GUCY2F: variants seen among roughly 807,000 people sequenced by gnomAD.
GUCY2F encodes the protein retinal guanylyl cyclase 2.
A neutral mutation model predicts 73.1 loss-of-function variants in GUCY2F; 61 were observed. The observed-to-expected ratio is 0.83, with a 90% CI of 0.68 to 1.03. GUCY2F has a LOEUF of 1.03. Ranked by LOEUF, GUCY2F falls within the 50% of genes least tolerant of loss-of-function variation. GUCY2F has a pLI of 0.00. For missense variants in GUCY2F, 912 were observed against 854.3 expected (o/e 1.07, Z -0.84); for synonymous variants, 331 against 307.8 (o/e 1.08, Z -0.79).
chrX:109,420,350 GAAAAAGAA>G, intron 8 of GUCY2F, among the ~76,000 whole-genome samples: 1 of 101,052 alleles, frequency 9.9e-6, no homozygotes, highest in African/African-American at 3.6e-5. Context: ...AAGAAAGAAA[GAAAAAGAA>G]AGAGAGAGAG....
At chrX:109,392,164 C>T in intron 13 of GUCY2F, 61 bp from the exon 14 acceptor site, 2 of 835,772 alleles carry the variant, frequency 2.4e-6, no homozygotes, top group Non-Finnish European at 3.4e-6. Context: ...CCACATACAC[C>T]TGCTAAAAAT....
At chrX:109,436,415 C>T (rs1269493981) in intron 7 of GUCY2F, among the ~76,000 whole-genome samples, 1 of 110,938 alleles carries the variant, frequency 9.0e-6, no homozygotes, top group Non-Finnish European at 1.9e-5. Context: ...TACCATTTGA[C>T]CCAGCCATCC....
intron 8 of GUCY2F, among the ~76,000 whole-genome samples, chrX:109,413,406 C>T (rs932042821): frequency 6.3e-5 from 7 of 110,678 alleles, no homozygotes; most frequent in African/African-American, 2.3e-4. Context: ...TTTGACAAGA[C>T]ACCTTTTTTT....
chrX:109,431,426 C>T (rs1165986314), intron 7 of GUCY2F, among the ~76,000 whole-genome samples: 1 of 111,141 alleles, frequency 9.0e-6, no homozygotes, highest in Non-Finnish European at 1.9e-5. Context: ...GGGCCGGGCG[C>T]GGTGGCTCAC....
intron 10 of GUCY2F, among the ~76,000 whole-genome samples, chrX:109,400,063 C>G (rs749936098): frequency 9.1e-6 from 1 of 110,262 alleles, no homozygotes; most frequent in Non-Finnish European, 1.9e-5. Context: ...AGTAGGGGTG[C>G]TGGAGCTGGA....
At chrX:109,441,273 C>G (rs1931860876) in intron 7 of GUCY2F, 78 bp downstream of exon 7, 1 of 626,934 alleles carries the variant, frequency 1.6e-6, no homozygotes, top group Non-Finnish European at 2.3e-6. Flanking sequence ...TATTTTTACC[C>G]AAAGACTAAT....
At chrX:109,476,410 T>C (rs1283755689) in intron 1 of GUCY2F, among the ~76,000 whole-genome samples, 1 of 112,209 alleles carries the variant, frequency 8.9e-6, no homozygotes, top group African/African-American at 3.2e-5. Context: ...ATATTAGACA[T>C]AGTATCATTA....
intron 1 of GUCY2F, among the ~76,000 whole-genome samples, chrX:109,477,654 A>T (rs1329502850): frequency 8.9e-6 from 1 of 112,469 alleles, no homozygotes; most frequent in African/African-American, 3.2e-5. Context: ...GAGAATCCTT[A>T]GTAAATCCTT....
At position 109,409,088 on chromosome X, in the gene GUCY2F, TTC is replaced by T; in HGVS notation, c.1870_1871del (p.Glu624IlefsTer19). ...CTTCTAGGCTCCCTCGGGAACAGAATTCTGTCACAATGGCAAACATCCCCGAA... is the reference window on the plus strand; with the variant it reads ...CTTCTAGGCTCCCTCGGGAACAGAATTGTCACAATGGCAAACATCCCCGAA... ...YDSGMFAIVT[E>X]FCSRGSLEDI... On this transcript the variant is annotated frameshift_variant, in exon 9 of 20. Coordinates refer to ENST00000218006, the MANE Select transcript of GUCY2F (RefSeq NM_001522.3). LOFTEE classifies it high-confidence loss of function. 9.1e-7 allele frequency: 1 copy of T among 1,098,308 alleles called. No individual in the cohort carries two copies. 90.5% of individuals were successfully genotyped at this position (1,098,308 alleles called of 1,213,427 possible).
intron 14 of GUCY2F, among the ~76,000 whole-genome samples, chrX:109,390,014 C>A (rs1176779744): frequency 8.9e-6 from 1 of 112,057 alleles, no homozygotes; most frequent in Admixed American, 9.5e-5. Flanking sequence ...TGCCAGCCTG[C>A]ACACAGGAAG....
intron 8 of GUCY2F, among the ~76,000 whole-genome samples, chrX:109,425,558 C>T (rs1412818755): frequency 3.7e-5 from 4 of 109,142 alleles, no homozygotes. Flanking sequence ...GAATGGGAAA[C>T]TCAACATCGT....
At chrX:109,456,898 C>T (rs1176011569) in intron 3 of GUCY2F, among the ~76,000 whole-genome samples, 1 of 111,188 alleles carries the variant, frequency 9.0e-6, no homozygotes, top group African/African-American at 3.3e-5. Flanking sequence ...GCACTTGCCA[C>T]AAATAACGAG....
chrX:109,452,527 TGA>T (rs749777468), intron 4 of GUCY2F, among the ~76,000 whole-genome samples: 1 of 112,084 alleles, frequency 8.9e-6, no homozygotes, highest in South Asian at 3.7e-4. Flanking sequence ...TGAGCCCATA[TGA>T]GTTATAGATG....
intron 8 of GUCY2F, 23 bp from the exon 9 acceptor site, chrX:109,409,191 A>C: frequency 1.1e-6 from 1 of 918,845 alleles, no homozygotes; most frequent in East Asian, 3.1e-5. Flanking sequence ...GACAGAAATG[A>C]GAGTCACAGC....
chrX:109,421,346 G>GTAACCC (rs1370954980), intron 8 of GUCY2F, among the ~76,000 whole-genome samples: 6 of 111,450 alleles, frequency 5.4e-5, no homozygotes, highest in Non-Finnish European at 7.6e-5. Context: ...AGAGGTGGAT[G>GTAACCC]TAACCCAAAC....
chrX:109,381,035 C>T lies in GUCY2F; in HGVS notation c.3150+1083G>A, dbSNP rs61127924. ...AAGAGGTGGGAAAGGAGCCTCTGTC[C>T]CCTTGTAAGTGACTCATCCAACCTC... On this transcript the variant is annotated intron_variant, in intron 17 of 19. Coordinates refer to ENST00000218006, the MANE Select transcript of GUCY2F (RefSeq NM_001522.3). Among the ~76,000 whole-genome samples the T allele has an allele frequency of 8.7e-3, 969 of 111,820 alleles. 18 individuals carry two copies. Among genetic ancestry groups the T allele is most frequent in the African/African-American group, 0.029 (905 of 30,808 alleles).
rs753571337 is a variant in GUCY2F at position 109,453,869 on chromosome X, A to T, written c.1033-10T>A. 9.6e-7 allele frequency: 1 copy of T among 1,038,567 alleles called. No individual in the cohort carries two copies. Among genetic ancestry groups the T allele is most frequent in the Non-Finnish European group, 1.3e-6 (1 of 757,492 alleles). The allele number at this position is 1,038,567 out of a possible 1,213,427, so 85.6% of individuals were successfully genotyped here. ...CAAACAACGGTGAAACCTATTTTTAAAAATTACAATTATCTTGAGCCCTGG... is the reference window on the plus strand; with the variant it reads ...CAAACAACGGTGAAACCTATTTTTATAAATTACAATTATCTTGAGCCCTGG... On this transcript the variant is annotated splice_polypyrimidine_tract_variant and intron_variant, in intron 3 of 19. Coordinates refer to ENST00000218006, the MANE Select transcript of GUCY2F (RefSeq NM_001522.3).
Position 109,475,295 on chromosome X carries a change from T to C in GUCY2F, c.642A>G (p.Leu214=), listed in dbSNP as rs760629097. 5.8e-6 allele frequency: 7 copies of C among 1,210,724 alleles called. No homozygotes were observed. In the South Asian group the frequency reaches 1.2e-4, roughly 21 times the overall value. Residue 214 remains leucine (L), a synonymous_variant, in exon 2 of 20, where the codon TTA becomes TTG. Transcript: ENST00000218006. ...RVASALRSHG[L]PVGVVLTTGQ... is the part of the protein sequence containing the mutation. ...CTGTGGTCAGGACGACCCCTACAGG[T>C]AAGCCGTGGCTCCGAAGAGCACTTG... is the stretch of plus-strand genomic sequence containing the variant.
intron 8 of GUCY2F, among the ~76,000 whole-genome samples, chrX:109,421,651 A>G (rs964135401): frequency 8.9e-6 from 1 of 111,906 alleles, no homozygotes; most frequent in African/African-American, 3.2e-5. Context: ...GCAAGATGAA[A>G]AAGTTCTGGA....
Sources: gnomAD v4.1 joint callset for allele counts (sites outside exome capture counted in the v4.1 genomes callset) on GRCh38, gnomAD v4.1.1 for gene constraint, MANE v1.5 for transcripts, NCBI Gene and HGNC (gene_info 2026-07-23, HGNC 2026-07-21) for gene names.